Variants in FBXO4 observed in about 807,000 individuals in gnomAD.
FBXO4 encodes the protein F-box only protein 4.
FBXO4 carries 36 observed loss-of-function variants against 43.7 expected under a neutral mutation model. That is an observed-to-expected ratio of 0.82 (90% CI 0.63 to 1.09). FBXO4 has a LOEUF of 1.09. Ranked by LOEUF, FBXO4 falls within the 50% of genes least tolerant of loss-of-function variation. FBXO4 has a pLI of 0.00. For synonymous variants in FBXO4, 180 were observed against 165.6 expected (o/e 1.09, Z -0.67); for missense variants, 435 against 474.1 (o/e 0.92, Z 0.77).
the FBXO4 span, among the ~76,000 whole-genome samples, chr5:42,040,297 T>TA: frequency 6.6e-6 from 1 of 152,100 alleles, no homozygotes; most frequent in Non-Finnish European, 1.5e-5. Flanking sequence ...ATAAGCTTCA[T>TA]AAGTGCACCT....
intron 5 of FBXO4, among the ~76,000 whole-genome samples, chr5:41,936,979 G>C (rs1226645433): frequency 1.3e-5 from 2 of 152,082 alleles, no homozygotes; most frequent in Admixed American, 1.3e-4. Flanking sequence ...TGAATGGACA[G>C]ACTGTTTTCC....
At chr5:41,953,593 A>G in the FBXO4 span, among the ~76,000 whole-genome samples, 1 of 150,364 alleles carries the variant, frequency 6.7e-6, no homozygotes, top group Non-Finnish European at 1.5e-5. Context: ...CAATGGTTGA[A>G]CTAGTTTACA....
chr5:42,037,835 C>T, the FBXO4 span, among the ~76,000 whole-genome samples: 1 of 152,060 alleles, frequency 6.6e-6, no homozygotes, highest in Non-Finnish European at 1.5e-5. Context: ...TCCACAATCC[C>T]CTTAGAAATA....
chr5:41,978,189 T>C, the FBXO4 span, among the ~76,000 whole-genome samples: 1 of 152,002 alleles, frequency 6.6e-6, no homozygotes, highest in African/African-American at 2.4e-5. Flanking sequence ...CAACCACACC[T>C]CTTTTGAACT....
chr5:41,942,114 C>T (rs951016992), downstream of FBXO4, among the ~76,000 whole-genome samples: 3 of 152,036 alleles, frequency 2.0e-5, no homozygotes, highest in East Asian at 3.9e-4. Context: ...CTGTTTTGGA[C>T]AGAAAGTTTG....
the FBXO4 span, chr5:41,951,572 A>G: frequency 1.2e-5 from 3 of 245,660 alleles, no homozygotes; most frequent in Middle Eastern, 1.4e-3. Context: ...TTTCTTTTCA[A>G]TCTTTTCAGG....
intron 1 of FBXO4, among the ~76,000 whole-genome samples, chr5:41,925,895 A>C (rs1751478627): frequency 6.6e-6 from 1 of 152,130 alleles, no homozygotes; most frequent in Admixed American, 6.5e-5. Context: ...AGCGTCTTTG[A>C]TTCCGGATCA....
Position 41,925,345 on chromosome 5 carries a change from G to A in FBXO4, c.36G>A (p.Ser12=). Residue 12 remains serine (S), a synonymous_variant, in exon 1 of 7, where the codon TCG becomes TCA. Transcript: ENST00000281623. ...AGSEPRSGTN[S]PPPPFSDWGR... The stretch of plus-strand genomic sequence containing the variant: ...GCGAGCCGCGCAGCGGAACAAACTC[G>A]CCGCCGCCGCCCTTCAGCGACTGGG... 7.3e-7 allele frequency: 1 copy of A among 1,364,130 alleles called. No homozygotes were observed. The highest frequency in any genetic ancestry group is 9.5e-7 in the Non-Finnish European group (1 of 1,054,424). The allele number at this position is 1,364,130 out of a possible 1,614,324, so 84.5% of individuals were successfully genotyped here.
the FBXO4 span, among the ~76,000 whole-genome samples, chr5:41,991,721 A>G: frequency 6.6e-6 from 1 of 152,326 alleles, no homozygotes; most frequent in East Asian, 1.9e-4. Flanking sequence ...TTATCTCCTA[A>G]TCTGTAGAGG....
At chr5:41,994,687 C>T in the FBXO4 span, among the ~76,000 whole-genome samples, 2 of 152,188 alleles carry the variant, frequency 1.3e-5, no homozygotes, top group African/African-American at 4.8e-5. Flanking sequence ...CCAGCCAACA[C>T]TGTAACTCCC....
chr5:41,985,106 T>A, the FBXO4 span, among the ~76,000 whole-genome samples: 2 of 152,186 alleles, frequency 1.3e-5, no homozygotes, highest in Non-Finnish European at 2.9e-5. Context: ...TCTCACACAC[T>A]TTTTTCCAAG....
the FBXO4 span, among the ~76,000 whole-genome samples, chr5:42,030,480 G>C: frequency 3.3e-5 from 5 of 151,930 alleles, no homozygotes; most frequent in Admixed American, 3.3e-4. Flanking sequence ...AGACTTAAAT[G>C]TTAGACCTAA....
the FBXO4 span, among the ~76,000 whole-genome samples, chr5:42,029,144 C>T: frequency 6.6e-6 from 1 of 151,910 alleles, no homozygotes; most frequent in African/African-American, 2.4e-5. Flanking sequence ...TGACGAAATC[C>T]CTCAGCTTAT....
chr5:41,952,963 T>G, the FBXO4 span, among the ~76,000 whole-genome samples: 1 of 152,048 alleles, frequency 6.6e-6, no homozygotes, highest in Non-Finnish European at 1.5e-5. Flanking sequence ...TTTTTTTATG[T>G]CATTTTTGTG....
the FBXO4 span, among the ~76,000 whole-genome samples, chr5:42,019,046 A>G: frequency 6.6e-6 from 1 of 152,272 alleles, no homozygotes; most frequent in Non-Finnish European, 1.5e-5. Flanking sequence ...ACTTAAAATG[A>G]GATTAGTTTA....
rs146729073 is a variant in FBXO4, at chr5:41,934,237, T to A, written c.827T>A (p.Ile276Asn). The A allele has an allele frequency of 3.7e-6, 6 of 1,614,066 alleles. No homozygotes were observed. In the African/African-American group the frequency reaches 5.3e-5, roughly 14 times the overall value. The change falls in exon 5 of 7, where the codon ATT becomes AAT. Residue 276 changes from isoleucine to asparagine, a missense_variant. Physicochemically the swap from Ile to Asn is moderately radical, Grantham distance 149. Transcript: ENST00000281623. ...CAACAAGGAAGCCGGTACAGTGTGA[T>A]TCCACAGATTCAAAAAGTGTGTGAA... Reference protein sequence around the residue: ...DDQQGSRYSVIPQIQKVCEVV... With the variant: ...DDQQGSRYSVNPQIQKVCEVV...
At chr5:42,025,949 T>C in the FBXO4 span, among the ~76,000 whole-genome samples, 1 of 151,990 alleles carries the variant, frequency 6.6e-6, no homozygotes, top group South Asian at 2.1e-4. Context: ...TATACTTCTG[T>C]AGTATAATTT....
downstream of FBXO4, among the ~76,000 whole-genome samples, chr5:41,945,413 T>C (rs905751949): frequency 1.3e-5 from 2 of 152,232 alleles, no homozygotes; most frequent in Non-Finnish European, 2.9e-5. Flanking sequence ...AATCTATTTT[T>C]GTAGGGAGAC....
At chr5:42,017,667 C>T in the FBXO4 span, among the ~76,000 whole-genome samples, 12 of 151,738 alleles carry the variant, frequency 7.9e-5, no homozygotes, top group African/African-American at 2.9e-4. Context: ...GTTTAACTCC[C>T]ACTTATAAGT....
Sources: allele counts gnomAD v4.1 joint callset (sites outside exome capture counted in the v4.1 genomes callset), GRCh38; gene constraint gnomAD v4.1.1; transcripts MANE v1.5; gene names NCBI Gene and HGNC (gene_info 2026-07-23, HGNC 2026-07-21).